GALNT13: variants seen among roughly 807,000 people sequenced by gnomAD.
GALNT13 encodes UDP-GalNAc:polypeptide N-acetylgalactosaminyltransferase 13.
Under a neutral mutation model 64.2 loss-of-function variants are expected in GALNT13, and 28 were observed. That is an observed-to-expected ratio of 0.44 (90% CI 0.32 to 0.60). The LOEUF is 0.60. GALNT13 is among the 20% of genes least tolerant of loss of function. The pLI is 0.05. For synonymous variants in GALNT13, 214 were observed against 224.6 expected (o/e 0.95, Z 0.42); for missense variants, 577 against 669.8 (o/e 0.86, Z 1.53).
intron 4 of GALNT13, chr2:154,236,193 C>T (rs1247348652): frequency 1.9e-6 from 2 of 1,051,232 alleles, no homozygotes; most frequent in Non-Finnish European, 2.4e-6. Context: ...AATCTTCCTA[C>T]TTTTATAAGA....
chr2:153,311,780 G>T, the GALNT13 span, among the ~76,000 whole-genome samples: 2 of 152,194 alleles, frequency 1.3e-5, no homozygotes, highest in Non-Finnish European at 2.9e-5. Flanking sequence ...AATCTCAGAA[G>T]TGGCATCCCA....
chr2:154,039,610 G>A lies in GALNT13; in HGVS notation c.142+94971G>A, dbSNP rs61706362. On this transcript the variant is annotated intron_variant, in intron 3 of 12. Coordinates refer to ENST00000392825, the MANE Select transcript of GALNT13 (RefSeq NM_052917.4). ...TAGAATTACAGTTGTTAGAAGCTGG[G>A]ATGGGTAGCAGGGAGGAGAGGAGAG... Among the ~76,000 whole-genome samples, 776 of 139,366 alleles carry A rather than the reference G, an allele frequency of 5.6e-3. 58 individuals are homozygous for A. Among genetic ancestry groups the A allele is most frequent in the Middle Eastern group, 0.047 (12 of 258 alleles). 91.4% of individuals were successfully genotyped at this position (139,366 alleles called of 152,430 possible). A position where few individuals can be genotyped will look rare whatever the true frequency, so the allele number is the denominator to read the frequency against.
chr2:153,270,315 C>G, the GALNT13 span, among the ~76,000 whole-genome samples: 1 of 152,168 alleles, frequency 6.6e-6, no homozygotes, highest in Non-Finnish European at 1.5e-5. Flanking sequence ...TGTGAGCAGT[C>G]TAATGCTAGA....
At chr2:153,208,973 C>CTTTTTGTTTTTTTTTTTTTTTT in the GALNT13 span, among the ~76,000 whole-genome samples, 2 of 74,682 alleles carry the variant, frequency 2.7e-5, no homozygotes, top group African/African-American at 5.8e-5. Context: ...TGGTTTTGGT[C>CTTTTTGTTTTTTTTTTTTTTTT]TTTTTTTTTT....
chr2:154,142,264 C>A (rs1402346066), intron 4 of GALNT13, among the ~76,000 whole-genome samples: 3 of 151,906 alleles, frequency 2.0e-5, no homozygotes, highest in African/African-American at 4.8e-5. Context: ...AATATGAAAA[C>A]CTTGGCTGGG....
At chr2:153,948,327 G>A (rs182093055) in intron 3 of GALNT13, among the ~76,000 whole-genome samples, 10 of 151,856 alleles carry the variant, frequency 6.6e-5, no homozygotes, top group Non-Finnish European at 1.5e-5. Flanking sequence ...CAATCAGAAT[G>A]GCTATTACTA....
intron 3 of GALNT13, among the ~76,000 whole-genome samples, chr2:154,104,262 A>C (rs942584018): frequency 1.3e-5 from 2 of 152,078 alleles, no homozygotes; most frequent in African/African-American, 4.8e-5. Context: ...TAAAATGGCC[A>C]GGGGAAGAAC....
chr2:153,225,596 T>A, the GALNT13 span, among the ~76,000 whole-genome samples: 3 of 152,132 alleles, frequency 2.0e-5, no homozygotes, highest in Non-Finnish European at 4.4e-5. Flanking sequence ...AAAACATCTG[T>A]TAAAAACCTC....
intron 3 of GALNT13, among the ~76,000 whole-genome samples, chr2:154,024,417 C>T (rs1215611784): frequency 2.0e-5 from 3 of 152,084 alleles, no homozygotes. Context: ...CTCTAAACTT[C>T]CCTTCTCGCT....
the GALNT13 span, among the ~76,000 whole-genome samples, chr2:153,350,384 CTTTTTTT>C: frequency 7.7e-6 from 1 of 129,972 alleles, no homozygotes; most frequent in Non-Finnish European, 1.6e-5. Context: ...TTCTTTCTTT[CTTTTTTT>C]TTTTTTTTTG....
the GALNT13 span, among the ~76,000 whole-genome samples, chr2:153,143,850 T>C: frequency 2.0e-5 from 3 of 152,046 alleles, no homozygotes; most frequent in Non-Finnish European, 4.4e-5. Context: ...AAACACTTTG[T>C]TATCAACTCT....
At chr2:153,171,583 A>G in the GALNT13 span, among the ~76,000 whole-genome samples, 4 of 152,286 alleles carry the variant, frequency 2.6e-5, no homozygotes, top group East Asian at 7.7e-4. Flanking sequence ...AAGTTTACCA[A>G]CAATCCTTCC....
At chr2:153,381,708 T>A in the GALNT13 span, among the ~76,000 whole-genome samples, 2,303 of 152,138 alleles carry the variant, frequency 0.015, 56 homozygotes, top group African/African-American at 0.052. Flanking sequence ...ACAGATGAAC[T>A]GGGACACACA....
chr2:153,346,849 A>C, the GALNT13 span, among the ~76,000 whole-genome samples: 1 of 152,166 alleles, frequency 6.6e-6, no homozygotes. Flanking sequence ...TCTATATCAT[A>C]GGTGTCATTA....
the GALNT13 span, among the ~76,000 whole-genome samples, chr2:153,293,654 T>C: frequency 6.6e-6 from 1 of 152,218 alleles, no homozygotes; most frequent in Non-Finnish European, 1.5e-5. Flanking sequence ...TAATTCATCA[T>C]TGTAGCAATA....
chr2:154,339,834 A>G (rs952814217), intron 9 of GALNT13, among the ~76,000 whole-genome samples: 1 of 152,066 alleles, frequency 6.6e-6, no homozygotes, highest in East Asian at 1.9e-4. Flanking sequence ...ATTTTCTCAA[A>G]TTGATGGCTT....
the GALNT13 span, among the ~76,000 whole-genome samples, chr2:153,224,575 A>T: frequency 6.6e-6 from 1 of 152,240 alleles, no homozygotes; most frequent in East Asian, 1.9e-4. Context: ...AGCTATTTCT[A>T]TGTAAAAATC....
chr2:153,818,471 C>T, the GALNT13 span, among the ~76,000 whole-genome samples: 6 of 152,180 alleles, frequency 3.9e-5, no homozygotes, highest in African/African-American at 1.4e-4. Context: ...TGGCCCTGTG[C>T]TCCCCCAGGA....
the GALNT13 span, among the ~76,000 whole-genome samples, chr2:153,270,179 C>T: frequency 6.6e-6 from 1 of 152,154 alleles, no homozygotes; most frequent in African/African-American, 2.4e-5. Context: ...AATCTGCAGA[C>T]CTTCTTTCAC....
Sources: gnomAD v4.1 joint callset for allele counts (sites outside exome capture counted in the v4.1 genomes callset) on GRCh38, gnomAD v4.1.1 for gene constraint, MANE v1.5 for transcripts, NCBI Gene and HGNC (gene_info 2026-07-23, HGNC 2026-07-21) for gene names.